Variants in PPHLN1 observed in about 807,000 individuals in gnomAD.
PPHLN1 encodes the protein periphilin 1.
A neutral mutation model predicts 51.3 loss-of-function variants in PPHLN1; 29 were observed. The ratio of observed to expected loss-of-function variants is 0.57; its 90% CI spans 0.42 to 0.77. The LOEUF (loss-of-function observed/expected upper bound fraction) is 0.77, where lower values mean the gene tolerates loss of function less well. PPHLN1 is among the 30% of genes least tolerant of loss of function. PPHLN1 has a pLI of 0.00. For synonymous variants in PPHLN1, 147 were observed against 147.8 expected, an observed-to-expected ratio of 0.99 and a Z score of 0.04; for missense variants, 436 against 438.4, an observed-to-expected ratio of 0.99 and a Z score of 0.05.
At chr12:42,440,322 A>G (rs1196533562) in intron 9 of PPHLN1, among the ~76,000 whole-genome samples, 1 of 152,222 alleles carries the variant, frequency 6.6e-6, no homozygotes, top group Admixed American at 6.5e-5. Flanking sequence ...ACTTTTGTAT[A>G]TTAAGAAATC....
Position 42,441,890 on chromosome 12 carries a change from T to G in PPHLN1, c.*381T>G, listed in dbSNP as rs1445406218. On this transcript the variant is annotated 3_prime_UTR_variant, in exon 10 of 10. Transcript: ENST00000358314. ...TTATTGACTTGTTGCTTGCTTTTTC[T>G]TAGGCTTTGTAACTTGTAATATGTT... 3.0e-6 allele frequency: 3 copies of G among 993,738 alleles called. No individual in the cohort carries two copies. Among genetic ancestry groups the G allele is most frequent in the Non-Finnish European group, 3.6e-6 (3 of 834,894 alleles). 61.6% of individuals were successfully genotyped at this position (993,738 alleles called of 1,614,324 possible).
intron 9 of PPHLN1, among the ~76,000 whole-genome samples, chr12:42,418,531 T>G (rs2080679820): frequency 6.6e-6 from 1 of 152,130 alleles, no homozygotes; most frequent in Admixed American, 6.6e-5. Flanking sequence ...CCAAATTTCT[T>G]TCATGTTACC....
intron 1 of PPHLN1, among the ~76,000 whole-genome samples, chr12:42,333,683 T>C (rs977535966): frequency 2.0e-5 from 3 of 151,988 alleles, no homozygotes; most frequent in Non-Finnish European, 4.4e-5. Flanking sequence ...AGAGTTTCAC[T>C]GTGTTAGCCA....
intron 9 of PPHLN1, among the ~76,000 whole-genome samples, chr12:42,404,616 C>T (rs1183190146): frequency 6.6e-6 from 1 of 152,214 alleles, no homozygotes; most frequent in Non-Finnish European, 1.5e-5. Flanking sequence ...TGGTCAGTGT[C>T]AAGGTTTCGA....
chr12:42,411,973 G>A lies in PPHLN1; in HGVS notation c.909+12979G>A, dbSNP rs190433952. 3.3e-5 allele frequency among the ~76,000 whole-genome samples: 5 copies of A among 149,628 alleles called. No homozygotes were observed. The East Asian group carries it at 5.9e-4, about 18-fold the overall frequency. On this transcript the variant is annotated intron_variant, in intron 9 of 9. Coordinates refer to ENST00000358314, the MANE Select transcript of PPHLN1 (RefSeq NM_201439.2). ...TGTAATCCCAGCACTTTGGGAGGCC[G>A]AGGCAGGCGGATCACGAGGTCAGGA...
intron 9 of PPHLN1, among the ~76,000 whole-genome samples, chr12:42,422,229 T>G (rs2081069284): frequency 6.6e-6 from 1 of 152,236 alleles, no homozygotes; most frequent in Non-Finnish European, 1.5e-5. Flanking sequence ...TTTTAAATAC[T>G]ACAACACAAA....
At position 42,335,990 on chromosome 12, in the gene PPHLN1, A is replaced by G; in HGVS notation, c.72+16A>G. The G allele has an allele frequency of 6.7e-7, 1 of 1,484,526 alleles. No homozygotes were observed. 92.0% of individuals were successfully genotyped at this position (1,484,526 alleles called of 1,614,324 possible). A position where few individuals can be genotyped will look rare whatever the true frequency, so the allele number is the denominator to read the frequency against. On this transcript the variant is annotated intron_variant, in intron 2 of 9. Coordinates refer to ENST00000358314, the MANE Select transcript of PPHLN1 (RefSeq NM_201439.2). ...TCATCCCAGTGTAAGTTACTCCTAC[A>G]TATTGAATGATTCAAAAACCTGGTG...
At chr12:42,328,312 AAGG>A (rs2137603136) in intron 1 of PPHLN1, among the ~76,000 whole-genome samples, 1 of 152,332 alleles carries the variant, frequency 6.6e-6, no homozygotes, top group African/African-American at 2.4e-5. Flanking sequence ...GATATAATAG[AAGG>A]AGGCATATGG....
downstream of PPHLN1, chr12:42,444,955 A>T: frequency 1.5e-6 from 1 of 663,362 alleles, no homozygotes; most frequent in Middle Eastern, 2.4e-4. Flanking sequence ...CAGAGAGCTG[A>T]GGTTGGAGCC....
At chr12:42,377,515 G>A (rs1054151003) in intron 5 of PPHLN1, among the ~76,000 whole-genome samples, 17 of 151,994 alleles carry the variant, frequency 1.1e-4, no homozygotes, top group African/African-American at 3.6e-4. Flanking sequence ...TGTTGGCCAA[G>A]CTGGTCTCGA....
At position 42,388,476 on chromosome 12, in the gene PPHLN1, T is replaced by C. The variant is rs577019192; in HGVS notation, c.648+941T>C. Among the ~76,000 whole-genome samples the C allele has an allele frequency of 9.3e-4, 142 of 152,320 alleles. 1 individual carries two copies. The highest frequency in any genetic ancestry group is 1.4e-3 in the Non-Finnish European group (98 of 68,024). ...CATGTTTTCTTGCTGACCTTCTCCC[T>C]ATTATCACCCTGCTCTCCTACTGCA... On this transcript the variant is annotated intron_variant, in intron 7 of 9. Transcript: ENST00000358314.
intron 2 of PPHLN1, chr12:42,350,206 CG>C (rs2073084505): frequency 6.6e-6 from 1 of 151,422 alleles, no homozygotes; most frequent in Admixed American, 6.7e-5. Flanking sequence ...ACCTCCCAGA[CG>C]GGGTGGTCGC....
intron 8 of PPHLN1, among the ~76,000 whole-genome samples, chr12:42,395,953 A>G (rs2078161319): frequency 6.6e-6 from 1 of 152,146 alleles, no homozygotes. Flanking sequence ...TCAATAATAT[A>G]CTTAAATATT....
intron 8 of PPHLN1, among the ~76,000 whole-genome samples, chr12:42,395,771 G>C (rs1189727777): frequency 6.6e-6 from 1 of 152,070 alleles, no homozygotes; most frequent in East Asian, 1.9e-4. Flanking sequence ...TTTAAGTAAT[G>C]GTTCATGTAC....
At chr12:42,367,296 A>G (rs1051990935) in intron 4 of PPHLN1, among the ~76,000 whole-genome samples, 1 of 152,238 alleles carries the variant, frequency 6.6e-6, no homozygotes, top group East Asian at 1.9e-4. Context: ...ACTCTTAGGT[A>G]CTAGTGCACA....
intron 2 of PPHLN1, among the ~76,000 whole-genome samples, chr12:42,338,092 A>C (rs1703710621): frequency 6.6e-6 from 1 of 151,936 alleles, no homozygotes; most frequent in Non-Finnish European, 1.5e-5. Flanking sequence ...ACCCGCATCT[A>C]ATTTTTGTAT....
intron 4 of PPHLN1, chr12:42,355,487 C>T (rs538564769): frequency 1.2e-4 from 35 of 280,180 alleles, no homozygotes; most frequent in East Asian, 9.7e-4. Context: ...TGTTAATCTC[C>T]GTGCTTTGGG....
At chr12:42,350,001 C>A (rs1010914503) in intron 2 of PPHLN1, among the ~76,000 whole-genome samples, 1 of 147,940 alleles carries the variant, frequency 6.8e-6, no homozygotes, top group African/African-American at 2.5e-5. Context: ...GGGGGCCCTC[C>A]CACCCCCCAG....
chr12:42,371,277 G>A (rs369355245), intron 4 of PPHLN1, among the ~76,000 whole-genome samples: 6 of 151,796 alleles, frequency 4.0e-5, no homozygotes, highest in Admixed American at 1.3e-4. Context: ...GTGCCACCTC[G>A]CTCAGCTATT....
Sources: gnomAD v4.1 joint callset for allele counts (sites outside exome capture counted in the v4.1 genomes callset) on GRCh38, gnomAD v4.1.1 for gene constraint, MANE v1.5 for transcripts, NCBI Gene and HGNC (gene_info 2026-07-23, HGNC 2026-07-21) for gene names.